The following ZMIZ1 variants were observed in gnomAD, a reference collection of about 807,000 sequenced individuals.
The protein encoded by ZMIZ1 is zinc finger MIZ domain-containing protein 1.
ZMIZ1 carries 17 observed loss-of-function variants against 113.9 expected under a neutral mutation model. The ratio of observed to expected loss-of-function variants is 0.15; its 90% CI spans 0.10 to 0.22. The LOEUF (loss-of-function observed/expected upper bound fraction) is 0.22, where lower values mean the gene tolerates loss of function less well. Ranked by LOEUF, ZMIZ1 falls within the 10% of genes least tolerant of loss-of-function variation. The pLI is 1.00. For synonymous variants in ZMIZ1, 607 were observed against 603.1 expected, an observed-to-expected ratio of 1.01 and a Z score of -0.09; for missense variants, 1,059 against 1,477.8, an observed-to-expected ratio of 0.72 and a Z score of 4.65.
At chr10:79,186,157 C>G (rs1205629479) in intron 4 of ZMIZ1, among the ~76,000 whole-genome samples, 1 of 152,176 alleles carries the variant, frequency 6.6e-6, no homozygotes, top group Non-Finnish European at 1.5e-5. Context: ...GCCCTTTGGG[C>G]CTGGGTCTTC....
intron 2 of ZMIZ1, among the ~76,000 whole-genome samples, chr10:79,132,265 A>G (rs1349438448): frequency 6.6e-6 from 1 of 151,960 alleles, no homozygotes; most frequent in Non-Finnish European, 1.5e-5. Context: ...CTGCTTGTCC[A>G]CTCCAAGTCC....
chr10:79,175,633 G>GTGT (rs1216136831), intron 4 of ZMIZ1, among the ~76,000 whole-genome samples: 2,560 of 72,516 alleles, frequency 0.035, 113 homozygotes, highest in African/African-American at 0.13. Context: ...TGTGTGTGGA[G>GTGT]GTTTTTACAG....
At chr10:79,293,931 A>C (rs982507795) in intron 12 of ZMIZ1, 2 of 554,544 alleles carry the variant, frequency 3.6e-6, no homozygotes, top group African/African-American at 3.8e-5. Context: ...ATGTGCCGCC[A>C]CTCAGCAAGC....
At chr10:79,147,818 A>C (rs1245812265) in intron 3 of ZMIZ1, among the ~76,000 whole-genome samples, 1 of 152,074 alleles carries the variant, frequency 6.6e-6, no homozygotes, top group African/African-American at 2.4e-5. Context: ...CCCTTCCTCT[A>C]GGGAGGTGTG....
chr10:79,120,323 CG>C lies in ZMIZ1; in HGVS notation c.-227+1302del, dbSNP rs1383524275. Among the ~76,000 whole-genome samples the C allele has an allele frequency of 2.0e-5, 3 of 152,210 alleles. No individual in the cohort carries two copies. The East Asian group carries it at 5.8e-4, about 29-fold the overall frequency. Reference sequence around the variant, plus strand: ...CTCGTGTTGGAACTACACACATACACGGGCACAAACTCTCACAAGCACACAG... The same window carrying C: ...CTCGTGTTGGAACTACACACATACACGGCACAAACTCTCACAAGCACACAG... On this transcript the variant is annotated intron_variant, in intron 2 of 24. Transcript: ENST00000334512.
chr10:79,102,458 G>A (rs1381896164), intron 1 of ZMIZ1, among the ~76,000 whole-genome samples: 1 of 152,244 alleles, frequency 6.6e-6, no homozygotes, highest in African/African-American at 2.4e-5. Flanking sequence ...CAGGATCCAG[G>A]GAGAGAAAGA....
chr10:79,178,335 T>C (rs1380123632), intron 4 of ZMIZ1, among the ~76,000 whole-genome samples: 1 of 152,220 alleles, frequency 6.6e-6, no homozygotes, highest in East Asian at 1.9e-4. Flanking sequence ...CGCAGTCCCT[T>C]ACTCAGTTGG....
chr10:79,129,936 G>A (rs1465105837), intron 2 of ZMIZ1, among the ~76,000 whole-genome samples: 5 of 152,206 alleles, frequency 3.3e-5, no homozygotes, highest in Admixed American at 2.0e-4. Context: ...AGGGCTTCCT[G>A]GGGGAGGGGA....
chr10:79,173,027 T>C (rs1002310602), intron 4 of ZMIZ1, among the ~76,000 whole-genome samples: 7 of 152,160 alleles, frequency 4.6e-5, no homozygotes, highest in Non-Finnish European at 8.8e-5. Context: ...AGGCACTTAA[T>C]CTCAGTACAA....
rs113460793 is a variant in ZMIZ1 at position 79,175,096 on chromosome 10, C to G, written c.-50+12963C>G. Among the ~76,000 whole-genome samples the G allele has an allele frequency of 7.5e-4, 114 of 152,326 alleles. 1 individual carries two copies. The highest frequency in any genetic ancestry group is 3.4e-3 in the Middle Eastern group (1 of 294). On this transcript the variant is annotated intron_variant, in intron 4 of 24. Transcript: ENST00000334512. ...CACAGGTACAGAGCAAGGGGGTCCT[C>G]GCAAGGAGCCAGTGGGGACTCAGTG...
chr10:79,212,518 A>G (rs1848566573), intron 6 of ZMIZ1, among the ~76,000 whole-genome samples: 3 of 152,130 alleles, frequency 2.0e-5, no homozygotes, highest in African/African-American at 4.8e-5. Flanking sequence ...GCTCATGCCT[A>G]TAATCCCAAG....
intron 13 of ZMIZ1, 59 bp from the exon 14 acceptor site, chr10:79,297,554 A>G: frequency 7.0e-7 from 1 of 1,432,634 alleles, no homozygotes. Flanking sequence ...CCAGAGGGAG[A>G]GCGGGCTTCT....
intron 4 of ZMIZ1, among the ~76,000 whole-genome samples, chr10:79,179,367 G>A (rs975799693): frequency 6.6e-6 from 1 of 152,214 alleles, no homozygotes; most frequent in African/African-American, 2.4e-5. Flanking sequence ...GTTAGTGCCT[G>A]GTGAACTCAG....
In ZMIZ1 at chr10:79,081,129, G is replaced by A. The variant is rs141825871; in HGVS notation, c.-337+11859G>A. Among the ~76,000 whole-genome samples the A allele has an allele frequency of 3.2e-3, 490 of 152,250 alleles. 2 individuals are homozygous for A. The highest frequency in any genetic ancestry group is 0.017 in the East Asian group (90 of 5,166). ...CTGTCTAGAAAGTTCCACATCGTATGGAGCCCAGAAGGATACCTCTCCCCT... is the reference window on the plus strand; with the variant it reads ...CTGTCTAGAAAGTTCCACATCGTATAGAGCCCAGAAGGATACCTCTCCCCT... On this transcript the variant is annotated intron_variant, in intron 1 of 24. Coordinates refer to ENST00000334512, the MANE Select transcript of ZMIZ1 (RefSeq NM_020338.4).
chr10:79,244,740 G>T (rs1327681356), intron 7 of ZMIZ1, among the ~76,000 whole-genome samples: 1 of 152,240 alleles, frequency 6.6e-6, no homozygotes, highest in Admixed American at 6.5e-5. Context: ...CAGAAATTGG[G>T]CTGAGGAGAG....
At chr10:79,218,543 A>G (rs1274301101) in intron 7 of ZMIZ1, among the ~76,000 whole-genome samples, 3 of 151,680 alleles carry the variant, frequency 2.0e-5, no homozygotes, top group Admixed American at 2.0e-4. Flanking sequence ...CTTGACCCCT[A>G]GTCTAGAGGG....
chr10:79,267,300 A>G (rs1430768193), intron 7 of ZMIZ1, among the ~76,000 whole-genome samples: 1 of 152,218 alleles, frequency 6.6e-6, no homozygotes, highest in South Asian at 2.1e-4. Context: ...ACTCCTGAGC[A>G]TCTGCATGAT....
intron 1 of ZMIZ1, among the ~76,000 whole-genome samples, chr10:79,111,627 C>T (rs982278403): frequency 1.3e-5 from 2 of 152,226 alleles, no homozygotes; most frequent in African/African-American, 4.8e-5. Context: ...GCACCAGCTA[C>T]TCGGAGATCT....
intron 17 of ZMIZ1, among the ~76,000 whole-genome samples, chr10:79,301,405 A>G (rs1854292987): frequency 6.6e-6 from 1 of 151,814 alleles, no homozygotes; most frequent in Non-Finnish European, 1.5e-5. Flanking sequence ...CTTGTCTTAG[A>G]GTCACGTATG....
Sources: gnomAD v4.1 joint callset for allele counts (sites outside exome capture counted in the v4.1 genomes callset) on GRCh38, gnomAD v4.1.1 for gene constraint, MANE v1.5 for transcripts, NCBI Gene and HGNC (gene_info 2026-07-23, HGNC 2026-07-21) for gene names.